Variants in KCNQ1 observed in about 807,000 individuals in gnomAD.
KCNQ1 encodes potassium voltage-gated channel subfamily KQT member 1.
In KCNQ1, 49 loss-of-function variants were observed where a neutral mutation model predicts 72.4. The observed-to-expected ratio is 0.68, with a 90% CI of 0.54 to 0.86. The LOEUF (loss-of-function observed/expected upper bound fraction) is 0.86, where lower values mean the gene tolerates loss of function less well. KCNQ1 is among the 40% of genes least tolerant of loss of function. The pLI is 0.00. For missense variants in KCNQ1, 790 were observed against 945.1 expected, an observed-to-expected ratio of 0.84 and a Z score of 2.15; for synonymous variants, 450 against 412.6, an observed-to-expected ratio of 1.09 and a Z score of -1.10.
chr11:2,662,491 C>T lies in KCNQ1; in HGVS notation c.1514+410C>T, dbSNP rs1849979686. 6.5e-6 allele frequency: 3 copies of T among 464,430 alleles called. No individual in the cohort carries two copies. The Admixed American group carries it at 1.1e-4, about 17-fold the overall frequency. 28.8% of individuals were successfully genotyped at this position (464,430 alleles called of 1,614,324 possible). ...GGGTGCAGTCTGCCAGTTGCTGCTG[C>T]TGTCCTCAGGGGCTCCTTCAGGTGG... On this transcript the variant is annotated intron_variant, in intron 11 of 15. Transcript: ENST00000155840.
In KCNQ1 at chr11:2,750,289, C is replaced by T. The variant is rs1400493543; in HGVS notation, c.1515-18555C>T. Among the ~76,000 whole-genome samples, 1 of 152,164 alleles carries T rather than the reference C, an allele frequency of 6.6e-6. No homozygotes were observed. The highest frequency in any genetic ancestry group is 1.5e-5 in the Non-Finnish European group (1 of 68,024). On this transcript the variant is annotated intron_variant, in intron 11 of 15. Transcript: ENST00000155840. The surrounding 1 kb of genome is among the most constrained non-coding windows in gnomAD (Gnocchi z 6.3). ...AGAGCCCTCAGCCCAGGGCGGAGGA[C>T]ATGGGAGACGGGGGTATAGCTGTTG...
intron 10 of KCNQ1, chr11:2,648,340 G>A: frequency 2.5e-6 from 1 of 398,316 alleles, no homozygotes; most frequent in Non-Finnish European, 4.4e-6. Context: ...TGCTTTTCTA[G>A]TTCCTTGAGA....
At chr11:2,845,802 G>A (rs1848314276) in intron 15 of KCNQ1, among the ~76,000 whole-genome samples, 2 of 152,158 alleles carry the variant, frequency 1.3e-5, no homozygotes, top group Admixed American at 6.5e-5. Context: ...GGTGGAGGCT[G>A]CCCACCTAGC....
chr11:2,619,170 T>A (rs1849120826), intron 10 of KCNQ1: 1 of 398,438 alleles, frequency 2.5e-6, no homozygotes, highest in South Asian at 1.3e-4. Flanking sequence ...CTTTCATTTC[T>A]TTTTCTTGTC....
At position 2,748,864 on chromosome 11, in the gene KCNQ1, G is replaced by A. The variant is rs1012415715; in HGVS notation, c.1515-19980G>A. The stretch of plus-strand genomic sequence containing the variant: ...CCCACCTCTGGTCTGGCAGCTGGGT[G>A]TGCAGGGGCAGCCCCAGACCTCCAG... On this transcript the variant is annotated intron_variant, in intron 11 of 15. Transcript: ENST00000155840. This position sits in a 1 kb window ranked among gnomAD's most constrained non-coding sequence, Gnocchi z 6.2. Among the ~76,000 whole-genome samples the A allele has an allele frequency of 1.3e-5, 2 of 152,246 alleles. No individual in the cohort carries two copies. Among genetic ancestry groups the A allele is most frequent in the African/African-American group, 4.8e-5 (2 of 41,476 alleles).
intron 10 of KCNQ1, chr11:2,619,409 T>C: frequency 5.0e-6 from 2 of 398,582 alleles, no homozygotes; most frequent in East Asian, 3.6e-5. Flanking sequence ...CAAATACTTT[T>C]TGTGTGTCAA....
chr11:2,693,187 CTCTGCG>C (rs1273495068), intron 11 of KCNQ1: 1 of 398,560 alleles, frequency 2.5e-6, no homozygotes, highest in Non-Finnish European at 4.4e-6. Context: ...TCTGGTCTGG[CTCTGCG>C]TTCCAGTCAG....
In KCNQ1 at chr11:2,459,421, T is replaced by G. The variant is rs147099778; in HGVS notation, c.386+13937T>G. ...CCCATGTAGTTCCTCACTGCAGGGC[T>G]TGGAGGGAGCAGGTGAAGGCTTACC... On this transcript the variant is annotated intron_variant, in intron 1 of 15. Transcript: ENST00000155840. 2.8e-3 allele frequency among the ~76,000 whole-genome samples: 420 copies of G among 152,218 alleles called. 3 individuals carry two copies. Among genetic ancestry groups the G allele is most frequent in the African/African-American group, 9.3e-3 (388 of 41,538 alleles).
At chr11:2,646,040 C>G (rs148959077) in intron 10 of KCNQ1, 29 of 398,518 alleles carry the variant, frequency 7.3e-5, no homozygotes, top group Middle Eastern at 6.2e-4. Context: ...TTCTGCACAT[C>G]GAGGAGTCTC....
At chr11:2,461,026 T>A (rs1018972213) in intron 1 of KCNQ1, among the ~76,000 whole-genome samples, 1 of 152,110 alleles carries the variant, frequency 6.6e-6, no homozygotes, top group Non-Finnish European at 1.5e-5. Context: ...GGCCTCACTC[T>A]CCTGGCCTCC....
In KCNQ1 at chr11:2,617,399, A is replaced by G. The variant is rs758329742; in HGVS notation, c.1393+28545A>G. On this transcript the variant is annotated intron_variant, in intron 10 of 15. Transcript: ENST00000155840. This position sits in a 1 kb window ranked among gnomAD's most constrained non-coding sequence, Gnocchi z 4.6. ...CAGTTTCATCCATGTGGCAAGTGGCAGGATCTCCTTTTTTAATGCGGAATA... is the reference window on the plus strand; with the variant it reads ...CAGTTTCATCCATGTGGCAAGTGGCGGGATCTCCTTTTTTAATGCGGAATA... The G allele has an allele frequency of 7.5e-6, 3 of 398,360 alleles. No individual in the cohort carries two copies. The highest frequency in any genetic ancestry group is 1.3e-5 in the Non-Finnish European group (3 of 225,968). 24.7% of individuals were successfully genotyped at this position (398,360 alleles called of 1,614,324 possible). A position where few individuals can be genotyped will look rare whatever the true frequency, so the allele number is the denominator to read the frequency against.
rs28757318 is a variant in KCNQ1 at position 2,618,604 on chromosome 11, T to G, written c.1393+29750T>G. On this transcript the variant is annotated intron_variant, in intron 10 of 15. Transcript: ENST00000155840. Reference sequence around the variant, plus strand: ...GACCATACTGTTTGATCAATAGTTTTGTAAAATAAACCAGAAAGTATGAAG... The same window carrying G: ...GACCATACTGTTTGATCAATAGTTTGGTAAAATAAACCAGAAAGTATGAAG... The G allele has an allele frequency of 6.5e-3, 2,595 of 398,608 alleles. 9 individuals carry two copies. Among genetic ancestry groups the G allele is most frequent in the Non-Finnish European group, 9.3e-3 (2,094 of 226,038 alleles). The allele number at this position is 398,608 out of a possible 1,614,324, so 24.7% of individuals were successfully genotyped here.
chr11:2,607,096 G>T (rs909103770), intron 10 of KCNQ1, among the ~76,000 whole-genome samples: 9 of 151,592 alleles, frequency 5.9e-5, no homozygotes, highest in African/African-American at 2.2e-4. Flanking sequence ...GTAAAGACGG[G>T]GTTTCACCAT....
intron 11 of KCNQ1, chr11:2,666,974 C>T (rs544594087): frequency 8.5e-5 from 34 of 398,744 alleles, no homozygotes; most frequent in Admixed American, 5.7e-4. Flanking sequence ...TCTGGGGGCC[C>T]GCCCGGGAGG....
In KCNQ1 at chr11:2,809,516, G is replaced by C. The variant is rs2097658295; in HGVS notation, c.1794+31479G>C. Among the ~76,000 whole-genome samples, 1 of 152,084 alleles carries C rather than the reference G, an allele frequency of 6.6e-6. No individual in the cohort carries two copies. Among genetic ancestry groups the C allele is most frequent in the African/African-American group, 2.4e-5 (1 of 41,380 alleles). On this transcript the variant is annotated intron_variant, in intron 15 of 15. Transcript: ENST00000155840. This position sits in a 1 kb window ranked among gnomAD's most constrained non-coding sequence, Gnocchi z 7.1. ...CTGCTTCCCTCTGTTTGTTCGTCTT[G>C]GTGCTGTGTATGAAGGTGGCAACAG... is the stretch of plus-strand genomic sequence containing the variant.
In KCNQ1 at chr11:2,450,902, G is replaced by A. The variant is rs997734022; in HGVS notation, c.386+5418G>A. On this transcript the variant is annotated intron_variant, in intron 1 of 15. Transcript: ENST00000155840. This position sits in a 1 kb window ranked among gnomAD's most constrained non-coding sequence, Gnocchi z 7.9. The stretch of plus-strand genomic sequence containing the variant: ...TCTTCTGGGAGCCCCACGTGGGTGG[G>A]TGCTGGCTGGGGAGGGGCTTCTCTC... 1.3e-5 allele frequency among the ~76,000 whole-genome samples: 2 copies of A among 152,150 alleles called. No individual in the cohort carries two copies. The highest frequency in any genetic ancestry group is 2.9e-5 in the Non-Finnish European group (2 of 68,020).
chr11:2,516,030 G>A lies in KCNQ1; in HGVS notation c.387-11898G>A, dbSNP rs16928366. ...CCTCACTGAGCCCCTGGGCCTATCC[G>A]CCCACGCCCAGGCCAGGGCTCCTGC... On this transcript the variant is annotated intron_variant, in intron 1 of 15. Transcript: ENST00000155840. This position sits in a 1 kb window ranked among gnomAD's most constrained non-coding sequence, Gnocchi z 7.0. Among the ~76,000 whole-genome samples the A allele has an allele frequency of 0.25, 37,336 of 151,748 alleles. 5,154 individuals carry two copies. Among genetic ancestry groups the A allele is most frequent in the East Asian group, 0.47 (2,379 of 5,102 alleles).
At position 2,813,379 on chromosome 11, in the gene KCNQ1, T is replaced by C. The variant is rs1200978333; in HGVS notation, c.1795-34388T>C. 6.7e-6 allele frequency among the ~76,000 whole-genome samples: 1 copy of C among 150,372 alleles called. No homozygotes were observed. The highest frequency in any genetic ancestry group is 1.5e-5 in the Non-Finnish European group (1 of 67,798). On this transcript the variant is annotated intron_variant, in intron 15 of 15. Transcript: ENST00000155840. This position sits in a 1 kb window ranked among gnomAD's most constrained non-coding sequence, Gnocchi z 4.4. ...CCTGGGCTCCCCACTCTCACAGGGG[T>C]GGAGACCTGCACCTCTTTTTCACCC...
rs1224200134 is a variant in KCNQ1, at chr11:2,550,613, G to A, written c.478-20015G>A. Among the ~76,000 whole-genome samples the A allele has an allele frequency of 6.6e-6, 1 of 152,202 alleles. No individual in the cohort carries two copies. Among genetic ancestry groups the A allele is most frequent in the African/African-American group, 2.4e-5 (1 of 41,434 alleles). ...CGTGAGCTGAGTGACCGGAAGAGGG[G>A]GCGCCTCCCTGAGCAGGTGAATGAA... On this transcript the variant is annotated intron_variant, in intron 2 of 15. Coordinates refer to ENST00000155840, the MANE Select transcript of KCNQ1 (RefSeq NM_000218.3). This position sits in a 1 kb window ranked among gnomAD's most constrained non-coding sequence, Gnocchi z 6.0.
Sources: gnomAD v4.1 joint callset for allele counts (sites outside exome capture counted in the v4.1 genomes callset) on GRCh38, gnomAD v4.1.1 for gene constraint, Gnocchi (gnomAD v3.1) non-coding constraint, MANE v1.5 for transcripts, NCBI Gene and HGNC (gene_info 2026-07-23, HGNC 2026-07-21) for gene names.